Variants in OTOGL observed in about 807,000 individuals in gnomAD.
The protein encoded by OTOGL is otogelin like.
A neutral mutation model predicts 318.5 loss-of-function variants in OTOGL; 285 were observed. That is an observed-to-expected ratio of 0.89 (90% CI 0.81 to 0.99). The LOEUF (loss-of-function observed/expected upper bound fraction) is 0.99, where lower values mean the gene tolerates loss of function less well. Among genes scored for constraint, OTOGL ranks in the 50% least tolerant of loss-of-function variants. The probability of loss-of-function intolerance (pLI) is 0.00; values close to 1 mark genes in which losing one functional copy is unlikely to be tolerated. For synonymous variants in OTOGL, 987 were observed against 936.5 expected (o/e 1.05, Z -0.99); for missense variants, 2,899 against 2,845.6 (o/e 1.02, Z -0.43).
At chr12:80,368,330 T>C in intron 55 of OTOGL, 21 bp downstream of exon 55, 1 of 1,526,084 alleles carries the variant, frequency 6.6e-7, no homozygotes, top group Non-Finnish European at 8.9e-7. Context: ...TGGAGAGTAA[T>C]GCTCTGTGCT....
chr12:80,353,828 C>T (rs73139241), intron 46 of OTOGL, among the ~76,000 whole-genome samples: 15,435 of 152,164 alleles, frequency 0.1, 893 homozygotes, highest in East Asian at 0.17. Context: ...TTCATTTTTA[C>T]TCCTATGAGT....
chr12:80,279,160 G>C lies in OTOGL; in HGVS notation c.2922G>C (p.Leu974Phe), dbSNP rs1884030070. 2 of 1,588,500 alleles carry C rather than the reference G, an allele frequency of 1.3e-6. No homozygotes were observed. Among genetic ancestry groups the C allele is most frequent in the Admixed American group, 1.7e-5 (1 of 58,220 alleles). ...ATATCAGTGATTGCCAGGTGTTTTT[G>C]ATAAAGGTAGGTCACAGTTACACAT... ...YDYISDCQVF[L>F]IKSADDSDIS... The change falls in exon 26 of 59, where the codon TTG becomes TTC. Residue 974 changes from leucine to phenylalanine, a missense_variant. Transcript: ENST00000547103.
At chr12:80,242,543 CCTGTATTAGGGGA>C (rs542607718) in intron 11 of OTOGL, among the ~76,000 whole-genome samples, 13 of 152,188 alleles carry the variant, frequency 8.5e-5, no homozygotes, top group African/African-American at 3.1e-4. Context: ...CTCTTCATTT[CCTGTATTAGGGGA>C]CTGCATCACA....
At position 80,323,802 on chromosome 12, in the gene OTOGL, T is replaced by C; in HGVS notation, c.4161T>C (p.Cys1387=). The change falls in exon 35 of 59, where the codon TGT becomes TGC. Residue 1387 remains cysteine, a synonymous_variant. Transcript: ENST00000547103. ...GTGCTACACCCTGTTTTAAAACATG[T>C]AGTGACCCTGAAGCACTAGCATGTA... ...EPCATPCFKT[C]SDPEALACKF... The C allele has an allele frequency of 6.2e-7, 1 of 1,613,642 alleles. No individual in the cohort carries two copies. The highest frequency in any genetic ancestry group is 1.3e-5 in the African/African-American group (1 of 75,038).
intron 1 of OTOGL, among the ~76,000 whole-genome samples, chr12:80,125,729 C>G (rs1870787838): frequency 6.6e-6 from 1 of 152,222 alleles, no homozygotes; most frequent in East Asian, 1.9e-4. Context: ...TGTTATTGGT[C>G]TATTCAGAGA....
At position 80,238,914 on chromosome 12, in the gene OTOGL, C is replaced by A; in HGVS notation, c.881C>A (p.Thr294Asn). 6.3e-7 allele frequency: 1 copy of A among 1,593,744 alleles called. No individual in the cohort carries two copies. Among genetic ancestry groups the A allele is most frequent in the Non-Finnish European group, 8.5e-7 (1 of 1,176,906 alleles). Reference protein sequence around the residue: ...NSWSVQTPDDTKCVLTPSDFP... With the variant: ...NSWSVQTPDDNKCVLTPSDFP... ...TGGTCGGTGCAAACTCCAGATGACA[C>A]CAAATGTGTACTCACACCCTCAGAT... Residue 294 changes from threonine to asparagine, a missense_variant, in exon 10 of 59, where the codon ACC becomes AAC. Coordinates refer to ENST00000547103, the MANE Select transcript of OTOGL (RefSeq NM_001378609.3).
intron 11 of OTOGL, among the ~76,000 whole-genome samples, chr12:80,250,830 C>T (rs1474852971): frequency 6.6e-6 from 1 of 152,170 alleles, no homozygotes; most frequent in Non-Finnish European, 1.5e-5. Context: ...GGTTGAAAAA[C>T]AAGCCCTCTA....
At chr12:80,228,989 C>T (rs1879123867) in intron 7 of OTOGL, among the ~76,000 whole-genome samples, 1 of 152,076 alleles carries the variant, frequency 6.6e-6, no homozygotes, top group Admixed American at 6.6e-5. Context: ...CAAAGCATAC[C>T]ATGTACCTTG....
Position 80,310,594 on chromosome 12 carries a change from T to C in OTOGL, c.3334-17T>C. 2.0e-6 allele frequency: 3 copies of C among 1,533,704 alleles called. No homozygotes were observed. The highest frequency in any genetic ancestry group is 1.8e-6 in the Non-Finnish European group (2 of 1,123,930). ...TCCCTTTGAAAACTTCTTTTCTCTC[T>C]TAAATTTTTTCAACAGTGTGAAAGT... On this transcript the variant is annotated splice_polypyrimidine_tract_variant and intron_variant, in intron 29 of 58. Coordinates refer to ENST00000547103, the MANE Select transcript of OTOGL (RefSeq NM_001378609.3).
chr12:80,301,924 A>G (rs1308300017), intron 27 of OTOGL, among the ~76,000 whole-genome samples: 2 of 152,238 alleles, frequency 1.3e-5, no homozygotes, highest in Non-Finnish European at 2.9e-5. Flanking sequence ...TGTGGCTGTC[A>G]GTTTTGCAGT....
chr12:80,276,693 T>C (rs1883833826), intron 24 of OTOGL, among the ~76,000 whole-genome samples: 1 of 151,628 alleles, frequency 6.6e-6, no homozygotes, highest in African/African-American at 2.4e-5. Flanking sequence ...GGTGACAGAC[T>C]GTAGAATCGA....
At position 80,286,621 on chromosome 12, in the gene OTOGL, A is replaced by T. The variant is rs187567015; in HGVS notation, c.2928+7455A>T. On this transcript the variant is annotated intron_variant, in intron 26 of 58. Transcript: ENST00000547103. ...TCTTGGGAGGGTGTATGTGTCCAGGAATTTATCCATTTATTCTAGATTTTC... is the reference window on the plus strand; with the variant it reads ...TCTTGGGAGGGTGTATGTGTCCAGGTATTTATCCATTTATTCTAGATTTTC... 6.8e-4 allele frequency among the ~76,000 whole-genome samples: 104 copies of T among 152,246 alleles called. No homozygotes were observed. The South Asian group carries it at 9.1e-3, about 13-fold the overall frequency.
intron 24 of OTOGL, among the ~76,000 whole-genome samples, 177 bp from the exon 25 acceptor site, chr12:80,277,991 G>A (rs952337523): frequency 6.6e-6 from 1 of 151,438 alleles, no homozygotes; most frequent in South Asian, 2.1e-4. Context: ...GATATGTAAG[G>A]TACTATGTGG....
intron 1 of OTOGL, among the ~76,000 whole-genome samples, chr12:80,198,616 A>T (rs1386063406): frequency 6.6e-6 from 1 of 152,150 alleles, no homozygotes; most frequent in African/African-American, 2.4e-5. Flanking sequence ...AACAACCTGT[A>T]TCCTTCTAAA....
intron 27 of OTOGL, among the ~76,000 whole-genome samples, chr12:80,298,422 A>T (rs1280170273): frequency 1.3e-5 from 2 of 152,162 alleles, no homozygotes; most frequent in African/African-American, 4.8e-5. Flanking sequence ...CAGCTTTTAC[A>T]TCTGTAAATT....
At chr12:80,114,473 A>G (rs2137086141) in intron 1 of OTOGL, among the ~76,000 whole-genome samples, 1 of 152,290 alleles carries the variant, frequency 6.6e-6, no homozygotes, top group South Asian at 2.1e-4. Context: ...GGTTTCTGCC[A>G]AGAGATCTGC....
chr12:80,182,457 A>G (rs1330078178), intron 1 of OTOGL, among the ~76,000 whole-genome samples: 1 of 152,228 alleles, frequency 6.6e-6, no homozygotes, highest in Non-Finnish European at 1.5e-5. Flanking sequence ...ATAGTGCATG[A>G]TTATACTAAA....
chr12:80,179,722 C>T (rs987810161), intron 1 of OTOGL, among the ~76,000 whole-genome samples: 11 of 152,200 alleles, frequency 7.2e-5, no homozygotes, highest in African/African-American at 2.4e-4. Context: ...TAGATGACTG[C>T]ATGAAGTTTG....
Position 80,229,312 on chromosome 12 carries a change from G to A in OTOGL, c.545G>A (p.Ser182Asn). 1.3e-6 allele frequency: 2 copies of A among 1,596,076 alleles called. No individual in the cohort carries two copies. Residue 182 changes from serine (S) to asparagine (N), a missense_variant, in exon 8 of 59, where the codon AGC becomes AAC. Around this residue, in one of 3 missense-constraint regions of OTOGL, gnomAD observed 2,607 missense variants for 2,524.9 expected, o/e 1.03. Coordinates refer to ENST00000547103, the MANE Select transcript of OTOGL (RefSeq NM_001378609.3). ...GSVYSCYRSISLFFSNQEEIR... is the reference protein window; with the variant it reads ...GSVYSCYRSINLFFSNQEEIR... ...GTGTATTCTTGTTATCGGTCAATCA[G>A]CTTGTTCTTTTCAAACCAAGAGGAA...
Sources: gnomAD v4.1 joint callset for allele counts (sites outside exome capture counted in the v4.1 genomes callset) on GRCh38, gnomAD v4.1.1 for gene constraint, gnomAD v4.1.1 regional missense constraint, MANE v1.5 for transcripts, NCBI Gene and HGNC (gene_info 2026-07-23, HGNC 2026-07-21) for gene names.